The following EDA variants were observed in gnomAD, a reference collection of about 807,000 sequenced individuals.
EDA encodes the protein ectodysplasin A, also known as ectodysplasin-A.
A neutral mutation model predicts 23.6 loss-of-function variants in EDA; 2 were observed. That is an observed-to-expected ratio of 0.08 (90% CI 0.03 to 0.27). The LOEUF (loss-of-function observed/expected upper bound fraction) is 0.27, where lower values mean the gene tolerates loss of function less well. Among genes scored for constraint, EDA ranks in the 10% least tolerant of loss-of-function variants. The pLI is 1.00. For synonymous variants in EDA, 131 were observed against 132.0 expected (o/e 0.99, Z 0.05); for missense variants, 229 against 324.2 (o/e 0.71, Z 2.26).
At chrX:69,809,925 AT>A (rs975001032) in intron 1 of EDA, among the ~76,000 whole-genome samples, 9 of 110,987 alleles carry the variant, frequency 8.1e-5, no homozygotes, top group African/African-American at 2.6e-4. Flanking sequence ...GGTAAAAAAA[AT>A]CATAAGCCTC....
intron 2 of EDA, among the ~76,000 whole-genome samples, chrX:70,007,221 T>C (rs1163478797): frequency 1.8e-5 from 2 of 112,157 alleles, no homozygotes; most frequent in Non-Finnish European, 3.8e-5. Flanking sequence ...CTGAGTCTTT[T>C]GCCTTTCCAT....
At chrX:69,671,920 G>C (rs1350260547) in intron 1 of EDA, among the ~76,000 whole-genome samples, 2 of 111,914 alleles carry the variant, frequency 1.8e-5, no homozygotes, top group Non-Finnish European at 3.8e-5. Context: ...TCACCTATTA[G>C]AGACACTTAT....
chrX:69,698,649 G>A (rs2011440530), intron 1 of EDA, among the ~76,000 whole-genome samples: 1 of 111,328 alleles, frequency 9.0e-6, no homozygotes, highest in South Asian at 3.8e-4. Flanking sequence ...GTCTCATGAG[G>A]GCAAAAGAGA....
rs1354056272 is a variant in EDA, at chrX:69,804,854, TG to T, written c.397-152171del. ...AGTTTACAATAAATGTCTACCACAT[TG>T]GCAAACAAATCTAGAATACCCTGGA... On this transcript the variant is annotated intron_variant, in intron 1 of 7. Coordinates refer to ENST00000374552, the MANE Select transcript of EDA (RefSeq NM_001399.5). Among the ~76,000 whole-genome samples the T allele has an allele frequency of 2.7e-5, 3 of 111,839 alleles. No individual in the cohort carries two copies. In the Admixed American group the frequency reaches 2.9e-4, roughly 11 times the overall value.
chrX:69,886,465 C>G (rs2017830914), intron 1 of EDA, among the ~76,000 whole-genome samples: 1 of 111,445 alleles, frequency 9.0e-6, no homozygotes, highest in Admixed American at 9.5e-5. Flanking sequence ...TCAGTTTCAG[C>G]TTGTAGGCCC....
At chrX:69,617,740 G>A (rs890216375) in intron 1 of EDA, 1 of 355,475 alleles carries the variant, frequency 2.8e-6, no homozygotes, top group Non-Finnish European at 5.4e-6. Flanking sequence ...AGGGAAGAGA[G>A]CAAGTTGTAC....
chrX:69,803,756 T>C (rs955578291), intron 1 of EDA, among the ~76,000 whole-genome samples: 1 of 110,686 alleles, frequency 9.0e-6, no homozygotes, highest in Non-Finnish European at 1.9e-5. Flanking sequence ...CTAGAACTTA[T>C]TCTCCTATCT....
At chrX:69,818,569 T>C (rs1738631104) in intron 1 of EDA, among the ~76,000 whole-genome samples, 1 of 111,403 alleles carries the variant, frequency 9.0e-6, no homozygotes, top group South Asian at 3.8e-4. Context: ...CAAACTACCA[T>C]CAGAGAATAC....
chrX:70,023,511 C>T (rs187462341), intron 3 of EDA, among the ~76,000 whole-genome samples: 52 of 44,513 alleles, frequency 1.2e-3, no homozygotes, highest in African/African-American at 4.8e-3. Flanking sequence ...TTTTTTGAGA[C>T]GGAGTTTCAC....
intron 1 of EDA, among the ~76,000 whole-genome samples, chrX:69,719,791 G>A (rs998114381): frequency 2.8e-5 from 3 of 106,514 alleles, no homozygotes; most frequent in Admixed American, 1.0e-4. Flanking sequence ...ACTCTGTTGC[G>A]CAGCCTGGAG....
chrX:69,904,659 A>G lies in EDA; in HGVS notation c.397-52368A>G, dbSNP rs776226399. ...GCCATCGTGCCTGGCCCCCTCTTCTACTCTTTATCCACCCTCCCCACTAGC... is the reference window on the plus strand; with the variant it reads ...GCCATCGTGCCTGGCCCCCTCTTCTGCTCTTTATCCACCCTCCCCACTAGC... On this transcript the variant is annotated intron_variant, in intron 1 of 7. Coordinates refer to ENST00000374552, the MANE Select transcript of EDA (RefSeq NM_001399.5). 9.0e-5 allele frequency among the ~76,000 whole-genome samples: 10 copies of G among 110,680 alleles called. No homozygotes were observed. The East Asian group carries it at 2.9e-3, about 32-fold the overall frequency.
chrX:69,819,366 C>G (rs770291059), intron 1 of EDA, among the ~76,000 whole-genome samples: 1 of 111,653 alleles, frequency 9.0e-6, no homozygotes, highest in Non-Finnish European at 1.9e-5. Context: ...AAGTACTGGC[C>G]AAGGCAATCA....
At chrX:69,720,207 A>C (rs1399425871) in intron 1 of EDA, among the ~76,000 whole-genome samples, 2 of 112,265 alleles carry the variant, frequency 1.8e-5, no homozygotes, top group Non-Finnish European at 3.8e-5. Context: ...ACTTTGAAAA[A>C]TATTGTGCCC....
intron 1 of EDA, among the ~76,000 whole-genome samples, chrX:69,757,718 G>A (rs758085902): frequency 6.0e-4 from 67 of 111,908 alleles, no homozygotes; most frequent in Non-Finnish European, 1.2e-3. Context: ...TGTGGATATT[G>A]TGTCAAGACG....
intron 1 of EDA, among the ~76,000 whole-genome samples, chrX:69,863,042 G>GAA (rs59012644): frequency 0.19 from 17,486 of 92,841 alleles, 1,480 homozygotes; most frequent in East Asian, 0.25. Flanking sequence ...TTTATTTTCT[G>GAA]AAAAAAAAAA....
chrX:69,682,093 A>G (rs1934377998), intron 1 of EDA, among the ~76,000 whole-genome samples: 1 of 112,033 alleles, frequency 8.9e-6, no homozygotes, highest in Non-Finnish European at 1.9e-5. Context: ...GTGAGGTGTC[A>G]GTCTGCCCCT....
intron 1 of EDA, among the ~76,000 whole-genome samples, chrX:69,793,570 G>GTTTTT (rs67241807): frequency 3.9e-4 from 23 of 58,765 alleles, no homozygotes; most frequent in Non-Finnish European, 4.7e-4. Context: ...GTTTGTTTTT[G>GTTTTT]TTTTTTTTTT....
chrX:69,827,083 G>C (rs1163434488), intron 1 of EDA, among the ~76,000 whole-genome samples: 1 of 111,691 alleles, frequency 9.0e-6, no homozygotes, highest in Non-Finnish European at 1.9e-5. Flanking sequence ...TTAGTCTGAT[G>C]GGCTTCCCTT....
chrX:70,027,802 A>C (rs1324863161), intron 3 of EDA, 55 bp from the exon 4 acceptor site: 1 of 562,813 alleles, frequency 1.8e-6, no homozygotes, highest in Non-Finnish European at 3.1e-6. Context: ...CAGCCTGGGC[A>C]ACAGAGCAGG....
Sources: allele counts gnomAD v4.1 joint callset (sites outside exome capture counted in the v4.1 genomes callset), GRCh38; gene constraint gnomAD v4.1.1; transcripts MANE v1.5; gene names NCBI Gene and HGNC (gene_info 2026-07-23, HGNC 2026-07-21).